The following ITPR1 variants were observed in gnomAD, a reference collection of about 807,000 sequenced individuals.
The protein encoded by ITPR1 is inositol 1,4,5-trisphosphate-gated calcium channel ITPR1.
Under a neutral mutation model 318.4 loss-of-function variants are expected in ITPR1, and 96 were observed. The ratio of observed to expected loss-of-function variants is 0.30; its 90% CI spans 0.26 to 0.36. ITPR1 has a LOEUF of 0.36. Among genes scored for constraint, ITPR1 ranks in the 10% least tolerant of loss-of-function variants. The probability of loss-of-function intolerance (pLI) is 1.00; values close to 1 mark genes in which losing one functional copy is unlikely to be tolerated. For synonymous variants in ITPR1, 1,312 were observed against 1,289.9 expected (o/e 1.02, Z -0.37); for missense variants, 2,440 against 3,460.2 (o/e 0.71, Z 7.40).
At chr3:4,524,198 C>T (rs1343107088) in intron 4 of ITPR1, among the ~76,000 whole-genome samples, 2 of 151,782 alleles carry the variant, frequency 1.3e-5, no homozygotes, top group African/African-American at 4.8e-5. Context: ...TTGCAGGCTG[C>T]CTCAGTGCTG....
At chr3:4,595,945 A>G (rs2090774966) in intron 4 of ITPR1, 3 of 152,186 alleles carry the variant, frequency 2.0e-5, no homozygotes, top group Non-Finnish European at 4.4e-5. Context: ...AAACTGGCCT[A>G]AGTGCAGCCT....
intron 4 of ITPR1, among the ~76,000 whole-genome samples, chr3:4,597,538 T>C (rs530907959): frequency 6.6e-6 from 1 of 152,072 alleles, no homozygotes; most frequent in African/African-American, 2.4e-5. Flanking sequence ...ATTTCCCAAG[T>C]TGGAGAGATG....
chr3:4,670,942 G>C lies in ITPR1; in HGVS notation c.2204+16G>C, dbSNP rs1372658817. 1 of 1,516,384 alleles carries C rather than the reference G, an allele frequency of 6.6e-7. No individual in the cohort carries two copies. Among genetic ancestry groups the C allele is most frequent in the Non-Finnish European group, 8.8e-7 (1 of 1,132,010 alleles). The allele number at this position is 1,516,384 out of a possible 1,614,324, so 93.9% of individuals were successfully genotyped here. ...GCTACTACAGGTGCGTGGGACACGT[G>C]TGGGGCTCAGATTGGGGTGCCCCAA... is the stretch of plus-strand genomic sequence containing the variant. On this transcript the variant is annotated intron_variant, in intron 20 of 61. Coordinates refer to ENST00000649015, the MANE Select transcript of ITPR1 (RefSeq NM_001378452.1).
At chr3:4,637,128 A>T (rs1421439123) in intron 5 of ITPR1, among the ~76,000 whole-genome samples, 1 of 152,240 alleles carries the variant, frequency 6.6e-6, no homozygotes. Flanking sequence ...GAATCCTTTC[A>T]GCTTGGGCTT....
chr3:4,608,033 T>C (rs1315271006), intron 4 of ITPR1, among the ~76,000 whole-genome samples: 2 of 152,156 alleles, frequency 1.3e-5, no homozygotes, highest in Non-Finnish European at 1.5e-5. Flanking sequence ...TCATTTATAC[T>C]GTAAACTAAA....
At chr3:4,620,169 C>A (rs766245640) in intron 4 of ITPR1, among the ~76,000 whole-genome samples, 2 of 152,110 alleles carry the variant, frequency 1.3e-5, no homozygotes, top group Non-Finnish European at 2.9e-5. Flanking sequence ...TGGAGAGAAG[C>A]CTGGCTGGGG....
chr3:4,532,192 G>GT (rs2083471422), intron 4 of ITPR1, among the ~76,000 whole-genome samples: 1 of 152,218 alleles, frequency 6.6e-6, no homozygotes, highest in South Asian at 2.1e-4. Context: ...CTTTGCACAG[G>GT]TTCTGGACTA....
At chr3:4,510,512 A>C (rs1488388468) in intron 2 of ITPR1, among the ~76,000 whole-genome samples, 1 of 152,214 alleles carries the variant, frequency 6.6e-6, no homozygotes, top group African/African-American at 2.4e-5. Context: ...CAAGAGATAT[A>C]GTAAAGCTTA....
At chr3:4,582,081 T>A (rs938567477) in intron 4 of ITPR1, among the ~76,000 whole-genome samples, 2 of 152,174 alleles carry the variant, frequency 1.3e-5, no homozygotes, top group African/African-American at 4.8e-5. Flanking sequence ...TCATGCTATG[T>A]GTGAGACTTG....
Position 4,674,304 on chromosome 3 carries a change from C to T in ITPR1, c.2559C>T (p.Phe853=), listed in dbSNP as rs1385908687. Residue 853 remains phenylalanine (F), a synonymous_variant, in exon 22 of 62, where the codon TTC becomes TTT. Coordinates refer to ENST00000649015, the MANE Select transcript of ITPR1 (RefSeq NM_001378452.1). ...TAAGAGATGTGGTTTGTCAGAGGTT[C>T]CCTTTCTCTGATAAAGAGAAGAATA... ...EYLRDVVCQR[F]PFSDKEKNKL... 4 of 1,604,536 alleles carry T rather than the reference C, an allele frequency of 2.5e-6. No individual in the cohort carries two copies. Among genetic ancestry groups the T allele is most frequent in the East Asian group, 2.2e-5 (1 of 44,674 alleles).
intron 4 of ITPR1, among the ~76,000 whole-genome samples, chr3:4,613,397 T>C (rs1159042460): frequency 6.6e-6 from 1 of 152,208 alleles, no homozygotes; most frequent in Non-Finnish European, 1.5e-5. Context: ...CCAGCTTGAC[T>C]TTTCCCTTTA....
At chr3:4,628,383 G>A (rs9822358) in intron 5 of ITPR1, among the ~76,000 whole-genome samples, 1,969 of 152,292 alleles carry the variant, frequency 0.013, 52 homozygotes, top group African/African-American at 0.045. Flanking sequence ...TATCTGTTGT[G>A]TTATCTGGCA....
At chr3:4,613,539 G>T (rs2686617) in intron 4 of ITPR1, among the ~76,000 whole-genome samples, 10,778 of 152,158 alleles carry the variant, frequency 0.071, 1,234 homozygotes, top group African/African-American at 0.24. Context: ...TGAGTTTCCT[G>T]TGGGTGACGC....
intron 5 of ITPR1, among the ~76,000 whole-genome samples, chr3:4,632,391 CG>C (rs2093041623): frequency 6.6e-6 from 1 of 152,090 alleles, no homozygotes; most frequent in African/African-American, 2.4e-5. Flanking sequence ...CTTGGCCATA[CG>C]GGAAATCAAC....
intron 4 of ITPR1, among the ~76,000 whole-genome samples, chr3:4,543,590 G>A (rs1052168881): frequency 2.6e-5 from 4 of 152,136 alleles, no homozygotes; most frequent in Non-Finnish European, 4.4e-5. Flanking sequence ...CTATAGGCAC[G>A]TGCCACCACG....
intron 4 of ITPR1, among the ~76,000 whole-genome samples, chr3:4,550,770 C>T (rs1198700446): frequency 1.3e-5 from 2 of 151,776 alleles, no homozygotes; most frequent in African/African-American, 4.8e-5. Flanking sequence ...GTCCCAGCTA[C>T]TAGGGAGGCT....
intron 4 of ITPR1, among the ~76,000 whole-genome samples, chr3:4,590,558 T>A (rs111435231): frequency 1.3e-5 from 2 of 149,668 alleles, no homozygotes; most frequent in South Asian, 4.2e-4. Flanking sequence ...ATAATTACTA[T>A]TTTATTAATT....
intron 4 of ITPR1, among the ~76,000 whole-genome samples, chr3:4,588,687 A>G (rs2090130785): frequency 1.3e-5 from 2 of 152,260 alleles, no homozygotes; most frequent in South Asian, 2.1e-4. Flanking sequence ...CTAAATGTGC[A>G]TCTCCAACTT....
chr3:4,662,175 G>T lies in ITPR1; in HGVS notation c.1345G>T (p.Ala449Ser), dbSNP rs1265634306. The T allele has an allele frequency of 6.2e-7, 1 of 1,613,402 alleles. No homozygotes were observed. Among genetic ancestry groups the T allele is most frequent in the Non-Finnish European group, 8.5e-7 (1 of 1,179,572 alleles). The change falls in exon 15 of 62, where the codon GCC becomes TCC. Residue 449 changes from alanine to serine, a missense_variant. Ala to Ser is a moderately conservative substitution (Grantham distance 99, BLOSUM62 1). Transcript: ENST00000649015. ...TCGGGACCTGGACTTTGCCAATGAT[G>T]CCAGCAAGGTGCTGGGCTCCATTGC... ...EVRDLDFAND[A>S]SKVLGSIAGK...
Sources: gnomAD v4.1 joint callset for allele counts (sites outside exome capture counted in the v4.1 genomes callset) on GRCh38, gnomAD v4.1.1 for gene constraint, MANE v1.5 for transcripts, NCBI Gene and HGNC (gene_info 2026-07-23, HGNC 2026-07-21) for gene names.